The following ZNF652 variants were observed in gnomAD, a reference collection of about 807,000 sequenced individuals.
ZNF652 encodes the protein zinc finger protein 652.
ZNF652 carries 16 observed loss-of-function variants against 45.2 expected under a neutral mutation model. The ratio of observed to expected loss-of-function variants is 0.35; its 90% confidence interval spans 0.24 to 0.54. The LOEUF is 0.54. Among genes scored for constraint, ZNF652 ranks in the 20% least tolerant of loss-of-function variants. The pLI is 0.91. For missense variants in ZNF652, 614 were observed against 765.6 expected (o/e 0.80, Z 2.34); for synonymous variants, 250 against 260.6 (o/e 0.96, Z 0.39).
intron 1 of ZNF652, among the ~76,000 whole-genome samples, chr17:49,351,572 C>T (rs2070283050): frequency 6.6e-6 from 1 of 152,024 alleles, no homozygotes; most frequent in Middle Eastern, 3.4e-3. Context: ...TACTCAAAAC[C>T]ACGGACATAC....
At chr17:49,299,205 C>A (rs1259893008) in intron 5 of ZNF652, among the ~76,000 whole-genome samples, 1 of 152,004 alleles carries the variant, frequency 6.6e-6, no homozygotes, top group African/African-American at 2.4e-5. Flanking sequence ...TACATACACC[C>A]TACCATCTGG....
chr17:49,352,128 A>G lies in ZNF652; in HGVS notation c.-259+9781T>C, dbSNP rs116458020. On this transcript the variant is annotated intron_variant, in intron 1 of 5. Transcript: ENST00000430262. Reference sequence around the variant, plus strand: ...ACATACACCATCACAATACTGTTTAACTCCAATGGACAAACTGTAATTTAA... The same window carrying G: ...ACATACACCATCACAATACTGTTTAGCTCCAATGGACAAACTGTAATTTAA... Among the ~76,000 whole-genome samples, 1,053 of 152,292 alleles carry G rather than the reference A, an allele frequency of 6.9e-3. 9 individuals are homozygous for G. Among genetic ancestry groups the G allele is most frequent in the African/African-American group, 0.024 (1,000 of 41,552 alleles).
chr17:49,329,348 G>A (rs1017063536), intron 1 of ZNF652, among the ~76,000 whole-genome samples: 1 of 152,098 alleles, frequency 6.6e-6, no homozygotes, highest in Non-Finnish European at 1.5e-5. Context: ...CATTGAAAAG[G>A]GTTTTGTTAT....
In ZNF652 at chr17:49,343,140, C is replaced by A. The variant is rs552890987; in HGVS notation, c.-259+18769G>T. 2.6e-5 allele frequency among the ~76,000 whole-genome samples: 4 copies of A among 152,312 alleles called. No individual in the cohort carries two copies. In the South Asian group the frequency reaches 8.3e-4, roughly 32 times the overall value. On this transcript the variant is annotated intron_variant, in intron 1 of 5. Coordinates refer to ENST00000430262, the MANE Select transcript of ZNF652 (RefSeq NM_001145365.3). ...CAAGAGATCCACCTGCCTCAGCCTC[C>A]CAAAGTGCTGGGATTACAGGCGTGG...
intron 1 of ZNF652, among the ~76,000 whole-genome samples, chr17:49,331,014 G>A (rs1231957513): frequency 6.6e-6 from 1 of 150,698 alleles, no homozygotes; most frequent in African/African-American, 2.4e-5. Context: ...GGAGGCGGAG[G>A]TTGTGGTGAG....
chr17:49,313,623 T>C (rs915027379), intron 2 of ZNF652, among the ~76,000 whole-genome samples: 4 of 152,084 alleles, frequency 2.6e-5, no homozygotes, highest in Non-Finnish European at 5.9e-5. Context: ...AAATACATAT[T>C]AGTGGTATAG....
chr17:49,311,177 T>C (rs2143765512), intron 5 of ZNF652, 135 bp downstream of exon 5: 2 of 852,550 alleles, frequency 2.3e-6, no homozygotes, highest in Non-Finnish European at 3.6e-6. Flanking sequence ...TATTTTTACA[T>C]ATTAGGTTTA....
At chr17:49,312,957 G>T (rs949746136) in intron 2 of ZNF652, 112 bp from the exon 3 acceptor site, 4 of 1,031,796 alleles carry the variant, frequency 3.9e-6, no homozygotes, top group African/African-American at 3.2e-5. Flanking sequence ...CCAGAATCCA[G>T]ATAAGTGCTA....
intron 1 of ZNF652, among the ~76,000 whole-genome samples, chr17:49,353,007 T>C (rs1370456206): frequency 6.6e-6 from 1 of 152,186 alleles, no homozygotes; most frequent in Non-Finnish European, 1.5e-5. Context: ...GGGAGTTATC[T>C]GGAGTGATGG....
intron 1 of ZNF652, among the ~76,000 whole-genome samples, chr17:49,330,536 A>G (rs2070011947): frequency 1.3e-5 from 2 of 151,912 alleles, no homozygotes; most frequent in Admixed American, 6.6e-5. Context: ...TTTAATAGAG[A>G]TGGGGTTTCA....
intron 1 of ZNF652, among the ~76,000 whole-genome samples, chr17:49,346,636 T>A (rs2070208213): frequency 6.6e-6 from 1 of 152,222 alleles, no homozygotes; most frequent in South Asian, 2.1e-4. Context: ...TTCAAACTTA[T>A]TTTAGACATT....
chr17:49,319,071 T>C (rs1303518303), intron 1 of ZNF652, among the ~76,000 whole-genome samples: 4 of 151,966 alleles, frequency 2.6e-5, no homozygotes, highest in African/African-American at 9.7e-5. Context: ...CCAAGAAAAA[T>C]AAAACCATCC....
intron 5 of ZNF652, among the ~76,000 whole-genome samples, chr17:49,309,475 C>G (rs1338332142): frequency 6.7e-6 from 1 of 149,964 alleles, no homozygotes; most frequent in Non-Finnish European, 1.5e-5. Context: ...TGCCACTGCA[C>G]TCAGTCTGGG....
At chr17:49,321,041 A>G (rs1392036611) in intron 1 of ZNF652, among the ~76,000 whole-genome samples, 1 of 152,046 alleles carries the variant, frequency 6.6e-6, no homozygotes, top group Non-Finnish European at 1.5e-5. Flanking sequence ...AACCACGCCC[A>G]CAACTTCTAT....
rs117254667 is a variant in ZNF652, at chr17:49,306,843, C to T, written c.1309+4469G>A. ...TCTCAGCTCACTGCAACCTCCCTGT[C>T]GTGGGCTCAAGCGATTCTCCTGCCT... On this transcript the variant is annotated intron_variant, in intron 5 of 5. Transcript: ENST00000430262. Among the ~76,000 whole-genome samples, 777 of 152,226 alleles carry T rather than the reference C, an allele frequency of 5.1e-3. 17 individuals are homozygous for T. Among genetic ancestry groups the T allele is most frequent in the East Asian group, 0.046 (237 of 5,162 alleles).
intron 1 of ZNF652, among the ~76,000 whole-genome samples, chr17:49,327,755 ATATATATATATATATATATATATATT>A (rs1321574815): frequency 0.037 from 417 of 11,318 alleles, 10 homozygotes; most frequent in East Asian, 0.14. Context: ...ATATATATAT[ATATATATATATATATATATATATATT>A]TTTTTTTTTT....
Position 49,317,026 on chromosome 17 carries a change from C to T in ZNF652, c.700G>A (p.Val234Ile). ...KRATKEPKAP[V>I]QKAKCEEKET... is the part of the protein sequence containing the mutation. The stretch of plus-strand genomic sequence containing the variant: ...TTCTCTTCACACTTAGCTTTCTGGA[C>T]TGGTGCTTTGGGCTCCTTTGTGGCC... Residue 234 changes from valine (V) to isoleucine (I), a missense_variant, in exon 2 of 6, where the codon GTC (valine) becomes ATC (isoleucine). Around this residue, in one of 5 missense-constraint regions of ZNF652, gnomAD observed 262 missense variants for 306.3 expected, o/e 0.86. Transcript: ENST00000430262. The T allele has an allele frequency of 6.2e-7, 1 of 1,614,222 alleles. No homozygotes were observed. The highest frequency in any genetic ancestry group is 8.5e-7 in the Non-Finnish European group (1 of 1,180,046).
chr17:49,349,340 AG>A (rs1235782619), intron 1 of ZNF652, among the ~76,000 whole-genome samples: 4 of 152,156 alleles, frequency 2.6e-5, no homozygotes, highest in Admixed American at 2.0e-4. Flanking sequence ...CAGAGGTTGC[AG>A]TGAGTCGAGA....
chr17:49,323,457 A>C (rs2069920631), intron 1 of ZNF652, among the ~76,000 whole-genome samples: 1 of 152,258 alleles, frequency 6.6e-6, no homozygotes, highest in Admixed American at 6.5e-5. Context: ...CAACTCCTCT[A>C]AACTCCTGTT....
Sources: gnomAD v4.1 joint callset for allele counts (sites outside exome capture counted in the v4.1 genomes callset) on GRCh38, gnomAD v4.1.1 for gene constraint, gnomAD v4.1.1 regional missense constraint, MANE v1.5 for transcripts, NCBI Gene and HGNC (gene_info 2026-07-23, HGNC 2026-07-21) for gene names.